The following NDUFAF6 variants were observed in gnomAD, a reference collection of about 807,000 sequenced individuals.
NDUFAF6 encodes NADH:ubiquinone oxidoreductase complex assembly factor 6.
In NDUFAF6, 45 loss-of-function variants were observed where a neutral mutation model predicts 40.8. That is an observed-to-expected ratio of 1.10 (90% CI 0.87 to 1.42). The LOEUF (loss-of-function observed/expected upper bound fraction) is 1.42, where lower values mean the gene tolerates loss of function less well. Among genes scored for constraint, NDUFAF6 ranks in the 40% most tolerant of loss-of-function variants. NDUFAF6 has a pLI of 0.00. For synonymous variants in NDUFAF6, 185 were observed against 155.9 expected, an observed-to-expected ratio of 1.19 and a Z score of -1.39; for missense variants, 435 against 418.5, an observed-to-expected ratio of 1.04 and a Z score of -0.34.
intron 1 of NDUFAF6, among the ~76,000 whole-genome samples, chr8:94,977,609 TCTC>T (rs1825078527): frequency 1.3e-5 from 2 of 151,682 alleles, no homozygotes; most frequent in Admixed American, 1.3e-4. Flanking sequence ...TCTCTCTCTC[TCTC>T]TCTCTCTCCT....
chr8:95,063,620 A>AC (rs1832625260), downstream of NDUFAF6, among the ~76,000 whole-genome samples: 2 of 152,116 alleles, frequency 1.3e-5, no homozygotes, highest in African/African-American at 4.8e-5. Flanking sequence ...ACAAAACAAA[A>AC]AAACAGTCCT....
At chr8:94,947,116 T>C (rs1586760481) in intron 2 of NDUFAF6, among the ~76,000 whole-genome samples, 1 of 151,846 alleles carries the variant, frequency 6.6e-6, no homozygotes, top group East Asian at 1.9e-4. Flanking sequence ...AGTGACAGAG[T>C]TGGTTGGGGT....
At chr8:95,117,481 T>G (rs187208283), downstream of NDUFAF6, among the ~76,000 whole-genome samples, 25 of 152,352 alleles carry the variant, frequency 1.6e-4, no homozygotes, top group East Asian at 4.6e-3. Flanking sequence ...GTTGTACAAG[T>G]TAAATGTCTG....
intron 1 of NDUFAF6, among the ~76,000 whole-genome samples, chr8:94,901,304 G>A (rs1817999952): frequency 6.6e-6 from 1 of 152,140 alleles, no homozygotes; most frequent in African/African-American, 2.4e-5. Flanking sequence ...TCCAGCAGGG[G>A]AAAAGAGTAG....
intron 1 of NDUFAF6, among the ~76,000 whole-genome samples, chr8:94,919,218 G>A (rs1031550894): frequency 1.3e-5 from 2 of 151,580 alleles, no homozygotes; most frequent in African/African-American, 2.4e-5. Context: ...GTCTTGCTCT[G>A]TCACCCAGGT....
At chr8:95,070,270 C>T (rs1178869922) in intron 9 of NDUFAF6, among the ~76,000 whole-genome samples, 2 of 152,132 alleles carry the variant, frequency 1.3e-5, no homozygotes, top group Non-Finnish European at 2.9e-5. Flanking sequence ...GTGATAGTGC[C>T]TACTTCCTAG....
chr8:95,010,621 T>A (rs1035736747), intron 2 of NDUFAF6, among the ~76,000 whole-genome samples: 4 of 152,314 alleles, frequency 2.6e-5, no homozygotes, highest in Middle Eastern at 3.4e-3. Context: ...TAAGACAAAG[T>A]CAGTCATCAA....
chr8:94,993,514 T>C (rs1327298027), intron 2 of NDUFAF6, among the ~76,000 whole-genome samples: 1 of 152,228 alleles, frequency 6.6e-6, no homozygotes, highest in African/African-American at 2.4e-5. Context: ...TTGCAGTTTC[T>C]ACTTATACTT....
chr8:94,981,160 G>A (rs1001517829), intron 2 of NDUFAF6, among the ~76,000 whole-genome samples: 5 of 152,222 alleles, frequency 3.3e-5, no homozygotes, highest in Admixed American at 6.5e-5. Context: ...AGGGATGAAT[G>A]CCTTACTCTT....
intron 1 of NDUFAF6, among the ~76,000 whole-genome samples, chr8:94,933,899 C>T (rs1275301712): frequency 2.0e-5 from 3 of 149,576 alleles, no homozygotes; most frequent in East Asian, 2.0e-4. Context: ...GGTGAAGCCC[C>T]GTCTCTACTA....
Position 94,925,810 on chromosome 8 carries a change from G to A in NDUFAF6, c.-935-19673G>A, listed in dbSNP as rs184064307. On this transcript the variant is annotated intron_variant, in intron 1 of 14. Coordinates refer to the NDUFAF6 transcript ENST00000396113. ...CTGCCTTGGCCTTCCAAATTGCTGG[G>A]ATTACAGGCATGAGCCACTGCGCCC... Among the ~76,000 whole-genome samples the A allele has an allele frequency of 5.0e-3, 760 of 152,244 alleles. 2 individuals are homozygous for A. Among genetic ancestry groups the A allele is most frequent in the Middle Eastern group, 0.031 (9 of 294 alleles).
At chr8:95,017,197 T>C (rs955988284) in intron 2 of NDUFAF6, among the ~76,000 whole-genome samples, 2 of 147,166 alleles carry the variant, frequency 1.4e-5, no homozygotes, top group African/African-American at 5.0e-5. Flanking sequence ...TGCCTTGACC[T>C]CCCAAAATGC....
downstream of NDUFAF6, among the ~76,000 whole-genome samples, chr8:95,062,628 A>G (rs74985763): frequency 3.8e-3 from 577 of 152,296 alleles, 4 homozygotes; most frequent in African/African-American, 0.013. Context: ...GGTTCAGGAA[A>G]ATTGGTGAAT....
At chr8:95,018,205 A>ATTTTT (rs34118633) in intron 2 of NDUFAF6, among the ~76,000 whole-genome samples, 26 of 145,162 alleles carry the variant, frequency 1.8e-4, no homozygotes, top group East Asian at 4.0e-4. Flanking sequence ...ATGCTTGGCT[A>ATTTTT]TTTTTTTTTT....
chr8:95,029,418 A>G (rs1828565714), intron 1 of NDUFAF6, among the ~76,000 whole-genome samples: 1 of 152,224 alleles, frequency 6.6e-6, no homozygotes, highest in Non-Finnish European at 1.5e-5. Context: ...CAGACATGAT[A>G]CTTCATTAAC....
At chr8:95,105,202 G>A (rs551196317), downstream of NDUFAF6, among the ~76,000 whole-genome samples, 1 of 151,988 alleles carries the variant, frequency 6.6e-6, no homozygotes, top group African/African-American at 2.4e-5. Flanking sequence ...ATCATAAATG[G>A]CCTTTTTCTA....
chr8:94,931,310 A>G (rs2131313876), intron 1 of NDUFAF6, among the ~76,000 whole-genome samples: 1 of 152,326 alleles, frequency 6.6e-6, no homozygotes, highest in South Asian at 2.1e-4. Context: ...CTATAGCTTA[A>G]TAGAATAAAT....
chr8:95,118,273 C>A (rs924645842), downstream of NDUFAF6, among the ~76,000 whole-genome samples: 2 of 152,154 alleles, frequency 1.3e-5, no homozygotes, highest in African/African-American at 4.8e-5. Flanking sequence ...TACAAGCTAC[C>A]CCTGGATGTC....
At chr8:94,948,614 G>T (rs1037064074) in intron 2 of NDUFAF6, among the ~76,000 whole-genome samples, 1 of 152,166 alleles carries the variant, frequency 6.6e-6, no homozygotes, top group Admixed American at 6.5e-5. Context: ...CGCAGGGGAC[G>T]GGATCGCAGG....
Sources: gnomAD v4.1 joint callset for allele counts (sites outside exome capture counted in the v4.1 genomes callset) on GRCh38, gnomAD v4.1.1 for gene constraint, MANE v1.5 for transcripts, NCBI Gene and HGNC (gene_info 2026-07-23, HGNC 2026-07-21) for gene names.